Variants in VIT observed in about 807,000 individuals in gnomAD.
VIT encodes vitrin.
In VIT, 99 loss-of-function variants were observed where a neutral mutation model predicts 78.0. The observed-to-expected ratio is 1.27, with a 90% CI of 1.08 to 1.50. VIT has a LOEUF of 1.50. VIT is among the 40% of genes most tolerant of loss of function. The pLI is 0.00. For synonymous variants in VIT, 374 were observed against 334.3 expected (o/e 1.12, Z -1.29); for missense variants, 1,126 against 875.3 (o/e 1.29, Z -3.61).
intron 13 of VIT, among the ~76,000 whole-genome samples, chr2:36,803,914 T>C (rs545130346): frequency 6.6e-6 from 1 of 152,306 alleles, no homozygotes; most frequent in African/African-American, 2.4e-5. Flanking sequence ...TCAAGTGCCC[T>C]GGGGTTCACA....
intron 6 of VIT, among the ~76,000 whole-genome samples, chr2:36,765,869 A>G (rs1021360367): frequency 6.6e-6 from 1 of 152,252 alleles, no homozygotes; most frequent in African/African-American, 2.4e-5. Context: ...AATTTCTGTC[A>G]TTTTAAGCCA....
At chr2:36,781,836 A>C in intron 10 of VIT, 65 bp downstream of exon 10, 1 of 1,588,402 alleles carries the variant, frequency 6.3e-7, no homozygotes, top group South Asian at 1.1e-5. Flanking sequence ...CAGAACTAAG[A>C]GTCTAATAAT....
At chr2:36,799,997 A>G (rs1445856805) in intron 12 of VIT, among the ~76,000 whole-genome samples, 1 of 151,274 alleles carries the variant, frequency 6.6e-6, no homozygotes. Flanking sequence ...GCAGTGAGCC[A>G]AGATCGAGCC....
intron 4 of VIT, among the ~76,000 whole-genome samples, chr2:36,753,163 C>T (rs1184268770): frequency 6.6e-6 from 1 of 150,522 alleles, no homozygotes; most frequent in Non-Finnish European, 1.5e-5. Context: ...GATGAGAACA[C>T]ACGGAAACAT....
chr2:36,791,272 G>A (rs901384673), intron 12 of VIT, among the ~76,000 whole-genome samples: 25 of 152,164 alleles, frequency 1.6e-4, no homozygotes, highest in Non-Finnish European at 1.2e-4. Flanking sequence ...ACCTCAGCCC[G>A]TGGACTGAAG....
intron 2 of VIT, among the ~76,000 whole-genome samples, chr2:36,726,692 G>A (rs527242472): frequency 2.6e-5 from 4 of 151,950 alleles, no homozygotes; most frequent in South Asian, 2.1e-4. Flanking sequence ...GGTGACGGGC[G>A]CCTGTAAGCC....
intron 4 of VIT, among the ~76,000 whole-genome samples, chr2:36,752,634 G>A (rs1391468833): frequency 1.3e-5 from 2 of 152,168 alleles, no homozygotes; most frequent in African/African-American, 4.8e-5. Flanking sequence ...CTCGTAAGTG[G>A]AACCACAGCT....
Position 36,814,139 on chromosome 2 carries a change from C to A in VIT, c.1904-44C>A. The A allele has an allele frequency of 4.4e-6, 7 of 1,594,472 alleles. No individual in the cohort carries two copies. The East Asian group carries it at 6.7e-5, about 15-fold the overall frequency. Reference sequence around the variant, plus strand: ...AGAAGAGAGAGATTCTTTAGCAGCACCTTTACTTGGGGACATTTGTTCATC... The same window carrying A: ...AGAAGAGAGAGATTCTTTAGCAGCAACTTTACTTGGGGACATTTGTTCATC... On this transcript the variant is annotated intron_variant, in intron 15 of 15. Coordinates refer to ENST00000379242, the MANE Select transcript of VIT (RefSeq NM_053276.4).
At chr2:36,736,469 A>G (rs1303416367) in intron 3 of VIT, among the ~76,000 whole-genome samples, 2 of 152,214 alleles carry the variant, frequency 1.3e-5, no homozygotes, top group African/African-American at 2.4e-5. Flanking sequence ...TGCTAGAGGG[A>G]GAAAAGCTTT....
In VIT at chr2:36,784,667, A is replaced by G. The variant is rs114000555; in HGVS notation, c.910+1265A>G. On this transcript the variant is annotated intron_variant, in intron 11 of 15. Transcript: ENST00000379242. The stretch of plus-strand genomic sequence containing the variant: ...GAAGGAAACTACAGCAATTAAATAC[A>G]TTGATAGAGTGATTCCCATAGATAC... 6.4e-3 allele frequency among the ~76,000 whole-genome samples: 969 copies of G among 152,362 alleles called. 17 individuals are homozygous for G. The highest frequency in any genetic ancestry group is 0.022 in the African/African-American group (921 of 41,586).
chr2:36,771,353 C>G (rs1019375631), intron 7 of VIT, among the ~76,000 whole-genome samples: 1 of 151,982 alleles, frequency 6.6e-6, no homozygotes, highest in Admixed American at 6.6e-5. Context: ...TGGTGAAACC[C>G]CATCTCTACT....
intron 4 of VIT, among the ~76,000 whole-genome samples, chr2:36,745,147 G>C (rs1279918220): frequency 6.6e-6 from 1 of 152,072 alleles, no homozygotes; most frequent in Non-Finnish European, 1.5e-5. Flanking sequence ...CTTTATTCCT[G>C]AGTTTTCTAT....
rs544028767 is a variant in VIT at position 36,776,955 on chromosome 2, G to A, written c.802+1888G>A. 3.7e-4 allele frequency among the ~76,000 whole-genome samples: 56 copies of A among 150,330 alleles called. 1 individual carries two copies. Among genetic ancestry groups the A allele is most frequent in the East Asian group, 1.8e-3 (9 of 5,066 alleles). ...ACACAAAAAATTAGCCAGGCGTGGT[G>A]GCGGGCGCCTGTAGTCCCAGCTACT... is the stretch of plus-strand genomic sequence containing the variant. On this transcript the variant is annotated intron_variant, in intron 9 of 15. Transcript: ENST00000379242.
chr2:36,706,897 G>A (rs145448654), intron 1 of VIT, among the ~76,000 whole-genome samples: 26 of 152,258 alleles, frequency 1.7e-4, no homozygotes, highest in African/African-American at 4.1e-4. Flanking sequence ...GTGAGGAGTT[G>A]GCAGGGTAGA....
At chr2:36,767,948 T>C (rs1244273388) in intron 7 of VIT, among the ~76,000 whole-genome samples, 2 of 152,194 alleles carry the variant, frequency 1.3e-5, no homozygotes, top group Admixed American at 1.3e-4. Flanking sequence ...GTTCCACTAT[T>C]GTCTTAGCAA....
chr2:36,805,449 T>C lies in VIT; in HGVS notation c.1174T>C (p.Ser392Pro). The C allele has an allele frequency of 1.2e-6, 2 of 1,609,540 alleles. No individual in the cohort carries two copies. Among genetic ancestry groups the C allele is most frequent in the Non-Finnish European group, 1.7e-6 (2 of 1,177,910 alleles). Reference protein sequence around the residue: ...GGLSNVGRAISFVTKNFFSKA... With the variant: ...GGLSNVGRAIPFVTKNFFSKA... ...TCTTTTTCTTCCAGGTCGGGCCATCTCCTTTGTGACCAAGAACTTCTTTTC... is the reference window on the plus strand; with the variant it reads ...TCTTTTTCTTCCAGGTCGGGCCATCCCCTTTGTGACCAAGAACTTCTTTTC... The change falls in exon 14 of 16, where the codon TCC becomes CCC. Residue 392 changes from serine (S) to proline (P), a missense_variant. Ser to Pro is a moderately conservative substitution (Grantham distance 74). Transcript: ENST00000379242.
At position 36,808,851 on chromosome 2, in the gene VIT, G is replaced by T; in HGVS notation, c.1769G>T (p.Gly590Val). The change falls in exon 15 of 16, where the codon GGG becomes GTG. Residue 590 changes from glycine to valine, a missense_variant. Gly to Val is a moderately radical substitution (Grantham distance 109, BLOSUM62 -3). Transcript: ENST00000379242. ...TACTGGAGTGGTGGCACCAGCACGGGGGCTGCCATCAACTTCGCCCTGGAG... is the reference window on the plus strand; with the variant it reads ...TACTGGAGTGGTGGCACCAGCACGGTGGCTGCCATCAACTTCGCCCTGGAG... ...VGYWSGGTST[G>V]AAINFALEQL... The T allele has an allele frequency of 1.2e-6, 2 of 1,614,178 alleles. No individual in the cohort carries two copies. Among genetic ancestry groups the T allele is most frequent in the African/African-American group, 1.3e-5 (1 of 75,046 alleles).
At chr2:36,761,970 T>C (rs963545013) in intron 6 of VIT, among the ~76,000 whole-genome samples, 1 of 152,156 alleles carries the variant, frequency 6.6e-6, no homozygotes, top group Non-Finnish European at 1.5e-5. Flanking sequence ...CCCAAGGCCA[T>C]AGTTCTAAGC....
chr2:36,790,225 A>G (rs1304991502), intron 12 of VIT, among the ~76,000 whole-genome samples: 1 of 152,212 alleles, frequency 6.6e-6, no homozygotes, highest in Non-Finnish European at 1.5e-5. Flanking sequence ...CAGGTAGCCC[A>G]GGTGAAGGGA....
Sources: gnomAD v4.1 joint callset for allele counts (sites outside exome capture counted in the v4.1 genomes callset) on GRCh38, gnomAD v4.1.1 for gene constraint, MANE v1.5 for transcripts, NCBI Gene and HGNC (gene_info 2026-07-23, HGNC 2026-07-21) for gene names.